Variants in LGALS3 observed in about 807,000 individuals in gnomAD.
The protein encoded by LGALS3 is galectin 3.
LGALS3 carries 18 observed loss-of-function variants against 20.7 expected under a neutral mutation model. The observed-to-expected ratio is 0.87, with a 90% confidence interval of 0.60 to 1.29. LGALS3 has a LOEUF of 1.29. LGALS3 is among the 50% of genes most tolerant of loss of function. LGALS3 has a pLI of 0.00. For synonymous variants in LGALS3, 112 were observed against 119.6 expected, an observed-to-expected ratio of 0.94 and a Z score of 0.42; for missense variants, 315 against 314.7, an observed-to-expected ratio of 1.00 and a Z score of -0.01.
intron 1 of LGALS3, among the ~76,000 whole-genome samples, chr14:55,133,965 G>A (rs1483517050): frequency 6.6e-6 from 1 of 152,156 alleles, no homozygotes; most frequent in Non-Finnish European, 1.5e-5. Flanking sequence ...ATTGAACCAC[G>A]TGTGTACATT....
rs1881668402 is a variant in LGALS3 at position 55,142,689 on chromosome 14, T to C, written c.537T>C (p.Asn179=). The C allele has an allele frequency of 1.2e-6, 2 of 1,613,874 alleles. No homozygotes were observed. The highest frequency in any genetic ancestry group is 1.1e-5 in the South Asian group (1 of 91,080). Residue 179 remains asparagine (N), a synonymous_variant, in exon 5 of 6, where the codon AAT becomes AAC. Transcript: ENST00000254301. ...RVIVCNTKLD[N]NWGREERQSV... is the part of the protein sequence containing the mutation. ...TTGTTTGCAATACAAAGCTGGATAA[T>C]AACTGGGGAAGGGAAGAAAGACAGT...
chr14:55,132,465 T>C (rs1409396366), intron 1 of LGALS3, among the ~76,000 whole-genome samples: 1 of 152,210 alleles, frequency 6.6e-6, no homozygotes, highest in Non-Finnish European at 1.5e-5. Flanking sequence ...AGAAAAAAAT[T>C]TCAGGCAAGT....
At chr14:55,131,250 G>A (rs1461111388) in intron 1 of LGALS3, among the ~76,000 whole-genome samples, 1 of 152,216 alleles carries the variant, frequency 6.6e-6, no homozygotes, top group Non-Finnish European at 1.5e-5. Context: ...AAAACTAGCT[G>A]TGTCCAAGTA....
chr14:55,138,329 C>G lies in LGALS3; in HGVS notation c.303C>G (p.Tyr101Ter), dbSNP rs1157286700. The G allele has an allele frequency of 6.2e-7, 1 of 1,612,684 alleles. No individual in the cohort carries two copies. Among genetic ancestry groups the G allele is most frequent in the Non-Finnish European group, 8.5e-7 (1 of 1,179,904 alleles). The change falls in exon 3 of 6, where the codon TAC (tyrosine) becomes TAG (stop). Residue 101 changes from tyrosine (Y) to a stop codon, truncating the protein, a stop_gained. Coordinates refer to ENST00000254301, the MANE Select transcript of LGALS3 (RefSeq NM_002306.4). LOFTEE classifies it high-confidence loss of function. Reference sequence around the variant, plus strand: ...GACAGCCAAGTGCCACCGGAGCCTACCCTGCCACTGGCCCCTATGGCGCCC... The same window carrying G: ...GACAGCCAAGTGCCACCGGAGCCTAGCCTGCCACTGGCCCCTATGGCGCCC... ...SSGQPSATGA[Y>*]PATGPYGAPA...
Position 55,141,855 on chromosome 14 carries a change from C to G in LGALS3, c.432-729C>G, listed in dbSNP as rs1041315868. Among the ~76,000 whole-genome samples the G allele has an allele frequency of 2.0e-5, 3 of 152,202 alleles. No homozygotes were observed. The South Asian group carries it at 6.2e-4, about 32-fold the overall frequency. Reference sequence around the variant, plus strand: ...GTGCAGATTAAAATACGAATACCTACTGATGACTCTGGTGTTACCGCTCTA... The same window carrying G: ...GTGCAGATTAAAATACGAATACCTAGTGATGACTCTGGTGTTACCGCTCTA... On this transcript the variant is annotated intron_variant, in intron 4 of 5. Transcript: ENST00000254301.
chr14:55,129,467 G>T lies in LGALS3; in HGVS notation c.-5+167G>T, dbSNP rs892642844. 5.9e-5 allele frequency among the ~76,000 whole-genome samples: 9 copies of T among 152,220 alleles called. No homozygotes were observed. The East Asian group carries it at 1.4e-3, about 23-fold the overall frequency. On this transcript the variant is annotated intron_variant, in intron 1 of 5. Coordinates refer to ENST00000254301, the MANE Select transcript of LGALS3 (RefSeq NM_002306.4). The surrounding 1 kb of genome is among the most constrained non-coding windows in gnomAD (Gnocchi z 5.3). Reference sequence around the variant, plus strand: ...CTCTGCCCTCCAGGAGCGGGGCGGCGGGCAGCGATCTGGGCCCGGGGCAGT... The same window carrying T: ...CTCTGCCCTCCAGGAGCGGGGCGGCTGGCAGCGATCTGGGCCCGGGGCAGT...
chr14:55,142,593 A>G lies in LGALS3; in HGVS notation c.441A>G (p.Leu147=). The G allele has an allele frequency of 1.2e-6, 2 of 1,612,870 alleles. No individual in the cohort carries two copies. The highest frequency in any genetic ancestry group is 1.7e-4 in the Middle Eastern group (1 of 6,058). Residue 147 remains leucine (L), a synonymous_variant, in exon 5 of 6, where the codon TTA becomes TTG. Coordinates refer to ENST00000254301, the MANE Select transcript of LGALS3 (RefSeq NM_002306.4). The part of the protein sequence containing the change: ...TVKPNANRIA[L]DFQRGNDVAF... ...CTTTGGTTTAAAACAGAATTGCTTT[A>G]GATTTCCAAAGAGGGAATGATGTTG...
rs1457741048 is a variant in LGALS3, at chr14:55,137,408, T to C, written c.18+17T>C. On this transcript the variant is annotated intron_variant, in intron 2 of 5. Coordinates refer to ENST00000254301, the MANE Select transcript of LGALS3 (RefSeq NM_002306.4). ...AATTTTTCGGTAAGTGTTTTATGCCTGTTTCTTCCCCTTGATCAGCTCCAC... is the reference window on the plus strand; with the variant it reads ...AATTTTTCGGTAAGTGTTTTATGCCCGTTTCTTCCCCTTGATCAGCTCCAC... The C allele has an allele frequency of 6.2e-7, 1 of 1,614,106 alleles. No individual in the cohort carries two copies. The highest frequency in any genetic ancestry group is 8.5e-7 in the Non-Finnish European group (1 of 1,180,022).
intron 1 of LGALS3, among the ~76,000 whole-genome samples, chr14:55,132,996 G>A (rs988874008): frequency 2.6e-5 from 4 of 152,148 alleles, no homozygotes; most frequent in African/African-American, 9.7e-5. Flanking sequence ...TGGCATTCTT[G>A]TATTCAATAT....
intron 4 of LGALS3, 96 bp from the exon 5 acceptor site, chr14:55,142,488 A>G (rs1330927352): frequency 2.0e-6 from 2 of 990,724 alleles, no homozygotes; most frequent in South Asian, 1.8e-5. Context: ...GTACTGTATT[A>G]TGAAATTATT....
rs1881276086 is a variant in LGALS3, at chr14:55,133,030, G to T, written c.-5+3730G>T. ...ATTCAATATTATTTTGTGCTTGAAT[G>T]AATCACCCAGTTAGTTTTCTGACCA... is the stretch of plus-strand genomic sequence containing the variant. On this transcript the variant is annotated intron_variant, in intron 1 of 5. Transcript: ENST00000254301. Among the ~76,000 whole-genome samples, 3 of 152,182 alleles carry T rather than the reference G, an allele frequency of 2.0e-5. No homozygotes were observed. The South Asian group carries it at 6.2e-4, about 31-fold the overall frequency.
At chr14:55,134,573 T>G (rs1447665685) in intron 1 of LGALS3, among the ~76,000 whole-genome samples, 2 of 152,338 alleles carry the variant, frequency 1.3e-5, no homozygotes, top group African/African-American at 4.8e-5. Context: ...TCATTTATTT[T>G]CCTTTTCTGT....
At position 55,138,183 on chromosome 14, in the gene LGALS3, GC is replaced by G; in HGVS notation, c.158del (p.Ala53ValfsTer62). 1 of 1,612,030 alleles carries G rather than the reference GC, an allele frequency of 6.2e-7. No homozygotes were observed. The highest frequency in any genetic ancestry group is 1.7e-4 in the Middle Eastern group (1 of 6,054). On this transcript the variant is annotated frameshift_variant, in exon 3 of 6. Coordinates refer to ENST00000254301, the MANE Select transcript of LGALS3 (RefSeq NM_002306.4). LOFTEE classifies it high-confidence loss of function. ...GAYPGQAPPG[A>X]YPGQAPPGAY... The stretch of plus-strand genomic sequence containing the variant: ...CTACCCCGGGCAGGCACCCCCAGGG[GC>G]TTATCCTGGACAGGCACCTCCAGGC...
chr14:55,142,735 G>C lies in LGALS3; in HGVS notation c.583G>C (p.Gly195Arg). 1 of 1,612,584 alleles carries C rather than the reference G, an allele frequency of 6.2e-7. No homozygotes were observed. Among genetic ancestry groups the C allele is most frequent in the Non-Finnish European group, 8.5e-7 (1 of 1,178,718 alleles). Residue 195 changes from glycine to arginine, a missense_variant, in exon 5 of 6, where the codon GGG becomes CGG. By Grantham distance (125) the Gly-to-Arg change is moderately radical. Transcript: ENST00000254301. ...ERQSVFPFES[G>R]KPFKIQVLVE... The stretch of plus-strand genomic sequence containing the variant: ...ACAGTCGGTTTTCCCATTTGAAAGT[G>C]GGAAACCATTCAAAGTAAGTTATTG...
intron 3 of LGALS3, among the ~76,000 whole-genome samples, chr14:55,139,833 A>G (rs2140294569): frequency 6.6e-6 from 1 of 152,316 alleles, no homozygotes; most frequent in South Asian, 2.1e-4. Context: ...GCCATATGCA[A>G]AGCACTCTGC....
intron 3 of LGALS3, among the ~76,000 whole-genome samples, chr14:55,138,801 C>G (rs1442678851): frequency 6.6e-6 from 1 of 152,016 alleles, no homozygotes; most frequent in Non-Finnish European, 1.5e-5. Flanking sequence ...TGTAGAGGAA[C>G]CAGGGTAATC....
intron 1 of LGALS3, among the ~76,000 whole-genome samples, chr14:55,130,753 T>TGGGGGG (rs752557592): frequency 1.6e-5 from 1 of 60,890 alleles, no homozygotes; most frequent in Non-Finnish European, 3.6e-5. Flanking sequence ...GTGGTGGTGG[T>TGGGGGG]GGGGGGGGGG....
chr14:55,142,723 C>T lies in LGALS3; in HGVS notation c.571C>T (p.Pro191Ser), dbSNP rs1881671318. Residue 191 changes from proline to serine, a missense_variant, in exon 5 of 6, where the codon CCA (proline) becomes TCA (serine). Physicochemically the swap from Pro to Ser is moderately conservative, Grantham distance 74 (BLOSUM62 -1). Coordinates refer to ENST00000254301, the MANE Select transcript of LGALS3 (RefSeq NM_002306.4). Reference protein sequence around the residue: ...WGREERQSVFPFESGKPFKIQ... With the variant: ...WGREERQSVFSFESGKPFKIQ... ...AAGGGAAGAAAGACAGTCGGTTTTC[C>T]CATTTGAAAGTGGGAAACCATTCAA... The T allele has an allele frequency of 6.2e-7, 1 of 1,613,582 alleles. No individual in the cohort carries two copies. The highest frequency in any genetic ancestry group is 8.5e-7 in the Non-Finnish European group (1 of 1,179,610).
chr14:55,136,274 T>C (rs1195994418), intron 1 of LGALS3, among the ~76,000 whole-genome samples: 10 of 152,070 alleles, frequency 6.6e-5, no homozygotes, highest in Non-Finnish European at 1.5e-4. Context: ...TAGTTTGTTG[T>C]ACTGCCAAAT....
Sources: allele counts gnomAD v4.1 joint callset (sites outside exome capture counted in the v4.1 genomes callset), GRCh38; gene constraint gnomAD v4.1.1; non-coding constraint Gnocchi (gnomAD v3.1); transcripts MANE v1.5; gene names NCBI Gene and HGNC (gene_info 2026-07-23, HGNC 2026-07-21).